Variants in ZNF609 observed in about 807,000 individuals in gnomAD.
ZNF609 encodes zinc finger protein 609.
Under a neutral mutation model 109.5 loss-of-function variants are expected in ZNF609, and 11 were observed. The ratio of observed to expected loss-of-function variants is 0.10; its 90% CI spans 0.06 to 0.17. ZNF609 has a LOEUF of 0.17. Among genes scored for constraint, ZNF609 ranks in the 10% least tolerant of loss-of-function variants. The pLI is 1.00. For synonymous variants in ZNF609, 646 were observed against 662.0 expected (o/e 0.98, Z 0.37); for missense variants, 1,559 against 1,772.4 (o/e 0.88, Z 2.16).
At chr15:64,651,396 C>T (rs1277590593) in intron 3 of ZNF609, among the ~76,000 whole-genome samples, 1 of 152,122 alleles carries the variant, frequency 6.6e-6, no homozygotes, top group African/African-American at 2.4e-5. Context: ...TCAGCAGATG[C>T]CATATAATTG....
At chr15:64,640,599 A>C (rs1896239917) in intron 3 of ZNF609, among the ~76,000 whole-genome samples, 1 of 152,206 alleles carries the variant, frequency 6.6e-6, no homozygotes, top group South Asian at 2.1e-4. Flanking sequence ...TCCTTCTGCT[A>C]GGTCATAAAG....
At chr15:64,582,406 C>G (rs1044717864) in intron 2 of ZNF609, among the ~76,000 whole-genome samples, 1 of 152,200 alleles carries the variant, frequency 6.6e-6, no homozygotes, top group Non-Finnish European at 1.5e-5. Context: ...TTTCACAACA[C>G]CCTTCCTCTG....
intron 2 of ZNF609, among the ~76,000 whole-genome samples, chr15:64,587,252 ATC>A (rs1895213433): frequency 6.6e-6 from 1 of 152,168 alleles, no homozygotes; most frequent in Admixed American, 6.6e-5. Flanking sequence ...GTCTTTGTAC[ATC>A]TCAGTGTCGA....
rs989569820 is a variant in ZNF609 at position 64,466,190 on chromosome 15, G to A, written c.-128+5352G>A. On this transcript the variant is annotated intron_variant, in intron 1 of 9. Coordinates refer to ENST00000326648, the MANE Select transcript of ZNF609 (RefSeq NM_015042.2). Reference sequence around the variant, plus strand: ...ATAACTTGGGAAAAGACTATTTGAGGTTTTCTGAAAATTCAGATTTTTTAA... The same window carrying A: ...ATAACTTGGGAAAAGACTATTTGAGATTTTCTGAAAATTCAGATTTTTTAA... 3.3e-5 allele frequency among the ~76,000 whole-genome samples: 5 copies of A among 150,874 alleles called. 1 individual carries two copies. In the East Asian group the frequency reaches 9.7e-4, roughly 29 times the overall value.
Position 64,674,197 on chromosome 15 carries a change from T to G in ZNF609, c.1343T>G (p.Met448Arg), listed in dbSNP as rs775597340. 1 of 1,614,056 alleles carries G rather than the reference T, an allele frequency of 6.2e-7. No homozygotes were observed. Reference protein sequence around the residue: ...NKRKNKPLSDMELNSSSEDSK... With the variant: ...NKRKNKPLSDRELNSSSEDSK... ...CGGAAAAACAAACCCCTTTCAGACA[T>G]GGAGCTGAATTCTAGCTCAGAGGAC... The change falls in exon 5 of 10, where the codon ATG (methionine) becomes AGG (arginine). Residue 448 changes from methionine to arginine, a missense_variant. By Grantham distance (91) the Met-to-Arg change is moderately conservative (BLOSUM62 -1). Transcript: ENST00000326648.
Position 64,670,426 on chromosome 15 carries a change from C to T in ZNF609, c.1054C>T (p.Pro352Ser). Residue 352 changes from proline (P) to serine (S), a missense_variant, in exon 4 of 10, where the codon CCC (proline) becomes TCC (serine). By Grantham distance (74) the Pro-to-Ser change is moderately conservative. Transcript: ENST00000326648. ...LLDCTRHDWAPPRFCDSPTSD... is the reference protein window; with the variant it reads ...LLDCTRHDWASPRFCDSPTSD... The stretch of plus-strand genomic sequence containing the variant: ...TGACTGCACACGACATGATTGGGCA[C>T]CCCCAAGGTAAGCACTTACAGCTAT... 1 of 1,613,774 alleles carries T rather than the reference C, an allele frequency of 6.2e-7. No individual in the cohort carries two copies. The highest frequency in any genetic ancestry group is 8.5e-7 in the Non-Finnish European group (1 of 1,179,712).
At chr15:64,470,287 A>G (rs73452239) in intron 1 of ZNF609, 1 of 152,014 alleles carries the variant, frequency 6.6e-6, no homozygotes, top group Non-Finnish European at 1.5e-5. Context: ...GGCTCAAGCC[A>G]TCCTCCTGCT....
intron 3 of ZNF609, chr15:64,653,988 G>C (rs1414560782): frequency 6.6e-6 from 1 of 152,086 alleles, no homozygotes. Flanking sequence ...ACCATCTAGA[G>C]GAAAGTCTAG....
At chr15:64,605,789 A>T (rs1428644024) in intron 2 of ZNF609, among the ~76,000 whole-genome samples, 2 of 142,902 alleles carry the variant, frequency 1.4e-5, no homozygotes, top group Non-Finnish European at 3.0e-5. Context: ...GCTTGAGTGC[A>T]GTGGCGCGAT....
intron 3 of ZNF609, among the ~76,000 whole-genome samples, chr15:64,630,661 T>A (rs905294079): frequency 1.3e-5 from 2 of 148,768 alleles, no homozygotes; most frequent in East Asian, 2.0e-4. Context: ...AGAAATGGAG[T>A]TTCACCGTGT....
At chr15:64,500,945 G>A (rs577975080) in intron 2 of ZNF609, 1 of 156,102 alleles carries the variant, frequency 6.4e-6, no homozygotes, top group Non-Finnish European at 1.4e-5. Context: ...GCCCCAGGAG[G>A]GGTTAGAACT....
At chr15:64,562,740 CA>C (rs5813308) in intron 2 of ZNF609, among the ~76,000 whole-genome samples, 6 of 147,316 alleles carry the variant, frequency 4.1e-5, no homozygotes, top group Admixed American at 6.7e-5. Flanking sequence ...AGAAGCCAGC[CA>C]AAAAAAAAAA....
At chr15:64,490,819 A>G (rs563020300) in intron 1 of ZNF609, among the ~76,000 whole-genome samples, 83 of 152,330 alleles carry the variant, frequency 5.4e-4, no homozygotes, top group African/African-American at 1.7e-3. Flanking sequence ...TTGAATTGCT[A>G]TGTGCTGATG....
chr15:64,632,479 A>T (rs1366175772), intron 3 of ZNF609, among the ~76,000 whole-genome samples: 1 of 151,640 alleles, frequency 6.6e-6, no homozygotes, highest in Admixed American at 6.6e-5. Flanking sequence ...TTTTTATTTT[A>T]TTTTTTATTT....
intron 2 of ZNF609, among the ~76,000 whole-genome samples, chr15:64,621,891 A>G (rs948074942): frequency 4.6e-5 from 7 of 151,274 alleles, no homozygotes; most frequent in Non-Finnish European, 7.4e-5. Flanking sequence ...ACGCCCGGCT[A>G]ATTTTTGTAT....
intron 5 of ZNF609, among the ~76,000 whole-genome samples, chr15:64,677,482 C>T (rs928900014): frequency 1.3e-5 from 2 of 152,162 alleles, no homozygotes; most frequent in African/African-American, 4.8e-5. Flanking sequence ...CCAGGTATCT[C>T]GATTCCTTGT....
intron 2 of ZNF609, among the ~76,000 whole-genome samples, chr15:64,605,532 G>C (rs1895580277): frequency 6.6e-6 from 1 of 152,080 alleles, no homozygotes; most frequent in Admixed American, 6.6e-5. Flanking sequence ...AATATTTTTT[G>C]AACTTTTACT....
In ZNF609 at chr15:64,678,394, C is replaced by T; in HGVS notation, c.3681C>T (p.Tyr1227=). The T allele has an allele frequency of 6.2e-7, 1 of 1,613,942 alleles. No individual in the cohort carries two copies. Among genetic ancestry groups the T allele is most frequent in the East Asian group, 2.2e-5 (1 of 44,884 alleles). Residue 1227 remains tyrosine, a synonymous_variant, in exon 6 of 10, where the codon TAC becomes TAT. Coordinates refer to ENST00000326648, the MANE Select transcript of ZNF609 (RefSeq NM_015042.2). ...PLTQHQSYIP[Y]MHGYSYSQSY... is the part of the protein sequence containing the mutation. ...CCCAGCACCAGTCCTACATCCCCTA[C>T]ATGCACGGCTATTCCTACAGTCAGT...
At chr15:64,508,275 A>G (rs1300719130) in intron 2 of ZNF609, among the ~76,000 whole-genome samples, 1 of 152,224 alleles carries the variant, frequency 6.6e-6, no homozygotes, top group Non-Finnish European at 1.5e-5. Context: ...CTGTTGCTCA[A>G]GGAGGCCCAA....
Sources: allele counts gnomAD v4.1 joint callset (sites outside exome capture counted in the v4.1 genomes callset), GRCh38; gene constraint gnomAD v4.1.1; transcripts MANE v1.5; gene names NCBI Gene and HGNC (gene_info 2026-07-23, HGNC 2026-07-21).